The following BET1 variants were observed in gnomAD, a reference collection of about 807,000 sequenced individuals.
BET1 encodes BET1 homolog.
A neutral mutation model predicts 13.9 loss-of-function variants in BET1; 9 were observed. That is an observed-to-expected ratio of 0.65 (90% confidence interval 0.39 to 1.13). The LOEUF is 1.13. Among genes scored for constraint, BET1 ranks in the 50% most tolerant of loss-of-function variants. BET1 has a pLI of 0.01. For missense variants in BET1, 127 were observed against 133.6 expected (o/e 0.95, Z 0.24); for synonymous variants, 39 against 47.3 (o/e 0.82, Z 0.72).
At chr7:93,999,111 T>C in intron 2 of BET1, 59 bp downstream of exon 2, 1 of 1,284,012 alleles carries the variant, frequency 7.8e-7, no homozygotes, top group Non-Finnish European at 1.1e-6. Flanking sequence ...ATATAGTTTA[T>C]AATTATATGT....
chr7:93,984,745 G>A (rs1008851727), intron 4 of BET1, among the ~76,000 whole-genome samples: 8 of 152,008 alleles, frequency 5.3e-5, no homozygotes, highest in African/African-American at 9.7e-5. Flanking sequence ...AAAGCATTGC[G>A]TGATTTAAAA....
chr7:93,989,545 ATC>A (rs1795592416), downstream of BET1, among the ~76,000 whole-genome samples: 1 of 152,172 alleles, frequency 6.6e-6, no homozygotes, highest in Admixed American at 6.5e-5. Context: ...GTCTTGTCCC[ATC>A]TGTTACAAAC....
chr7:93,981,377 G>A (rs1346962511), intron 4 of BET1, among the ~76,000 whole-genome samples: 1 of 152,118 alleles, frequency 6.6e-6, no homozygotes, highest in African/African-American at 2.4e-5. Context: ...CTTCAGTAGT[G>A]GGTTGTCTAT....
At chr7:93,968,865 T>C (rs1433180468) in intron 6 of BET1, among the ~76,000 whole-genome samples, 1 of 151,938 alleles carries the variant, frequency 6.6e-6, no homozygotes, top group East Asian at 1.9e-4. Context: ...TAGACAAATG[T>C]AATTGAAGAA....
chr7:93,995,339 T>C (rs532742484), intron 3 of BET1, among the ~76,000 whole-genome samples: 1 of 152,266 alleles, frequency 6.6e-6, no homozygotes, highest in African/African-American at 2.4e-5. Context: ...ACTAGAAATA[T>C]TACACATACT....
intron 1 of BET1, among the ~76,000 whole-genome samples, chr7:94,002,587 G>C (rs1408263357): frequency 1.3e-5 from 2 of 152,018 alleles, no homozygotes; most frequent in African/African-American, 4.8e-5. Context: ...CTTCCCAAGG[G>C]ATTCTAATGT....
chr7:93,993,875 A>C lies in BET1; in HGVS notation c.*355T>G, dbSNP rs1293660804. ...AGTCAGGCTCTCCAGGCATTCTGTTACTCTCCCACTAAGTTTCCTTACATG... is the reference window on the plus strand; with the variant it reads ...AGTCAGGCTCTCCAGGCATTCTGTTCCTCTCCCACTAAGTTTCCTTACATG... On this transcript the variant is annotated 3_prime_UTR_variant, in exon 4 of 4. Transcript: ENST00000222547. 6.5e-7 allele frequency: 1 copy of C among 1,535,708 alleles called. No individual in the cohort carries two copies. Among genetic ancestry groups the C allele is most frequent in the Non-Finnish European group, 8.7e-7 (1 of 1,146,732 alleles).
At chr7:93,996,366 T>A (rs764067096) in intron 2 of BET1, 45 bp from the exon 3 acceptor site, 1 of 1,348,746 alleles carries the variant, frequency 7.4e-7, no homozygotes, top group Non-Finnish European at 1.0e-6. Context: ...ATAAAAGTAT[T>A]CAAGTGTTAT....
chr7:94,003,557 C>T (rs1284796738), intron 1 of BET1, among the ~76,000 whole-genome samples: 1 of 152,062 alleles, frequency 6.6e-6, no homozygotes, highest in East Asian at 1.9e-4. Context: ...TTCCTTGTGT[C>T]TAACTTATTC....
At chr7:93,963,050 T>G (rs983914083) in exon 7 of BET1, 3 of 152,140 alleles carry the variant, frequency 2.0e-5, no homozygotes, top group Admixed American at 2.0e-4. Flanking sequence ...AAGTTAACAT[T>G]GGCCATGACT....
At chr7:93,987,651 G>A (rs1022417826) in intron 4 of BET1, among the ~76,000 whole-genome samples, 3 of 152,156 alleles carry the variant, frequency 2.0e-5, no homozygotes, top group African/African-American at 7.2e-5. Flanking sequence ...GTGCTAGGGA[G>A]TGTCTGGTGG....
intron 4 of BET1, among the ~76,000 whole-genome samples, chr7:93,979,048 G>C (rs557254849): frequency 1.3e-5 from 2 of 152,292 alleles, no homozygotes; most frequent in African/African-American, 2.4e-5. Flanking sequence ...TGATGCTGCT[G>C]CTTCTGCCAC....
chr7:93,988,850 T>C (rs1795574499), downstream of BET1, among the ~76,000 whole-genome samples: 1 of 151,132 alleles, frequency 6.6e-6, no homozygotes, highest in East Asian at 1.9e-4. Context: ...AACACACATT[T>C]CACTTATATT....
downstream of BET1, chr7:93,992,447 T>A: frequency 1.0e-6 from 1 of 985,410 alleles, no homozygotes; most frequent in Non-Finnish European, 1.2e-6. Context: ...CATTTTTAAG[T>A]CATTTTCTTT....
intron 5 of BET1, among the ~76,000 whole-genome samples, chr7:93,973,787 TA>T (rs990037650): frequency 2.6e-5 from 4 of 151,970 alleles, no homozygotes; most frequent in Non-Finnish European, 5.9e-5. Context: ...ATAAAGGTTT[TA>T]AAATGCACCA....
At position 93,993,720 on chromosome 7, in the gene BET1, G is replaced by A. The variant is rs1367062788; in HGVS notation, c.*510C>T. 2.2e-6 allele frequency: 3 copies of A among 1,364,522 alleles called. No individual in the cohort carries two copies. The highest frequency in any genetic ancestry group is 3.0e-5 in the African/African-American group (2 of 67,236). The allele number at this position is 1,364,522 out of a possible 1,614,324, so 84.5% of individuals were successfully genotyped here. A position where few individuals can be genotyped will look rare whatever the true frequency, so the allele number is the denominator to read the frequency against. Reference sequence around the variant, plus strand: ...TCAAAAATTATTAGGAAGATTGTAGGTAAAAAGAAATCAGCCTACAATTTT... The same window carrying A: ...TCAAAAATTATTAGGAAGATTGTAGATAAAAAGAAATCAGCCTACAATTTT... On this transcript the variant is annotated 3_prime_UTR_variant, in exon 4 of 4. Coordinates refer to ENST00000222547, the MANE Select transcript of BET1 (RefSeq NM_005868.6).
In BET1 at chr7:93,996,319, A is replaced by C; in HGVS notation, c.147T>G (p.Leu49=). The stretch of plus-strand genomic sequence containing the variant: ...TAACTTCATGGCCTATTTCAATGGA[A>C]AGCTATAAAGAAGAAGGTATACACA... ...LRSKVTAIKS[L]SIEIGHEVKT... Residue 49 remains leucine, a splice_region_variant and synonymous_variant, in exon 3 of 4, where the codon CTT becomes CTG. Transcript: ENST00000222547. 2 of 1,570,260 alleles carry C rather than the reference A, an allele frequency of 1.3e-6. No homozygotes were observed. Among genetic ancestry groups the C allele is most frequent in the Non-Finnish European group, 1.7e-6 (2 of 1,154,902 alleles).
At chr7:94,001,702 A>T (rs1795907007) in intron 1 of BET1, among the ~76,000 whole-genome samples, 1 of 152,214 alleles carries the variant, frequency 6.6e-6, no homozygotes, top group Admixed American at 6.5e-5. Flanking sequence ...CTCTGTGCAA[A>T]CTGTAGTTTA....
chr7:93,999,985 T>C (rs1413640336), intron 1 of BET1, among the ~76,000 whole-genome samples: 1 of 152,178 alleles, frequency 6.6e-6, no homozygotes, highest in African/African-American at 2.4e-5. Flanking sequence ...CCCTGCCTAA[T>C]ATAGTACTTC....
Sources: gnomAD v4.1 joint callset for allele counts (sites outside exome capture counted in the v4.1 genomes callset) on GRCh38, gnomAD v4.1.1 for gene constraint, MANE v1.5 for transcripts, NCBI Gene and HGNC (gene_info 2026-07-23, HGNC 2026-07-21) for gene names.